The following NRCAM variants were observed in gnomAD, a reference collection of about 807,000 sequenced individuals.
NRCAM encodes neuronal cell adhesion molecule, also known as NgCAM-related cell adhesion molecule.
Under a neutral mutation model 156.5 loss-of-function variants are expected in NRCAM, and 83 were observed. The observed-to-expected ratio is 0.53, with a 90% CI of 0.44 to 0.64. NRCAM has a LOEUF of 0.64. Ranked by LOEUF, NRCAM falls within the 30% of genes least tolerant of loss-of-function variation. NRCAM has a pLI of 0.00. For missense variants in NRCAM, 1,417 were observed against 1,597.3 expected, an observed-to-expected ratio of 0.89 and a Z score of 1.92; for synonymous variants, 538 against 563.9, an observed-to-expected ratio of 0.95 and a Z score of 0.65.
chr7:108,172,361 C>T (rs1464973487), intron 28 of NRCAM, among the ~76,000 whole-genome samples: 1 of 152,080 alleles, frequency 6.6e-6, no homozygotes, highest in East Asian at 1.9e-4. Context: ...TCAGTGCAGC[C>T]TCCAGCTCAC....
At chr7:108,305,026 C>T (rs537203274) in intron 3 of NRCAM, among the ~76,000 whole-genome samples, 1 of 152,218 alleles carries the variant, frequency 6.6e-6, no homozygotes, top group Admixed American at 6.5e-5. Context: ...AAATGTCTAT[C>T]AATCTACCAT....
intron 13 of NRCAM, among the ~76,000 whole-genome samples, chr7:108,203,617 ACAGT>A (rs1404476237): frequency 1.3e-5 from 2 of 152,234 alleles, no homozygotes; most frequent in Non-Finnish European, 2.9e-5. Context: ...GCGAAAGGAG[ACAGT>A]CAGTGTCCTT....
At chr7:108,190,501 A>G (rs401573) in intron 19 of NRCAM, among the ~76,000 whole-genome samples, 127,865 of 152,152 alleles carry the variant, frequency 0.84, 53,990 homozygotes, top group East Asian at 0.99. Context: ...TCAGTCATAA[A>G]GCAGTAAATG....
chr7:108,363,158 A>C (rs2099570300), intron 2 of NRCAM, among the ~76,000 whole-genome samples: 1 of 152,248 alleles, frequency 6.6e-6, no homozygotes, highest in East Asian at 1.9e-4. Flanking sequence ...AATATCCATG[A>C]GTACAAACTG....
intron 1 of NRCAM, among the ~76,000 whole-genome samples, chr7:108,426,611 T>G (rs1744134519): frequency 6.6e-6 from 1 of 152,234 alleles, no homozygotes; most frequent in Non-Finnish European, 1.5e-5. Context: ...GAGAAGGCCC[T>G]GACTTCTTTT....
Position 108,176,541 on chromosome 7 carries a change from T to G in NRCAM, c.3040A>C (p.Thr1014Pro). 5 of 1,613,776 alleles carry G rather than the reference T, an allele frequency of 3.1e-6. No individual in the cohort carries two copies. Among genetic ancestry groups the G allele is most frequent in the Non-Finnish European group, 4.2e-6 (5 of 1,179,828 alleles). The change falls in exon 27 of 33, where the codon ACT (threonine) becomes CCT (proline). Residue 1014 changes from threonine to proline, a missense_variant. Thr to Pro is a conservative substitution (Grantham distance 38). Around this residue, in one of 2 missense-constraint regions of NRCAM, gnomAD observed 1,238 missense variants for 1,336.4 expected, o/e 0.93. Transcript: ENST00000379028. ...GTGCTGAAATTTAAATTTTTTAAAG[T>G]CCACCGTGTCTTGTTGGCAGGAATT... is the stretch of plus-strand genomic sequence containing the variant. ...LKIPANKTRW[T>P]LKNLNFSTRY...
rs575749028 is a variant in NRCAM, at chr7:108,392,185, A to G, written c.-174+7251T>C. ...GCAGAGTGTTTTCCAACTTGGTTCC[A>G]TTCTCCTCGTCACTTTCAGGTATAC... On this transcript the variant is annotated intron_variant, in intron 2 of 32. Transcript: ENST00000379028. 2.1e-3 allele frequency among the ~76,000 whole-genome samples: 321 copies of G among 152,212 alleles called. 4 individuals are homozygous for G. The highest frequency in any genetic ancestry group is 1.7e-3 in the East Asian group (9 of 5,176).
intron 2 of NRCAM, among the ~76,000 whole-genome samples, chr7:108,325,359 C>T (rs2099056492): frequency 6.6e-6 from 1 of 152,116 alleles, no homozygotes. Context: ...GGGATTATTA[C>T]TTTAAATGAA....
chr7:108,230,778 C>G (rs1427123675), intron 8 of NRCAM, among the ~76,000 whole-genome samples: 1 of 151,552 alleles, frequency 6.6e-6, no homozygotes, highest in Non-Finnish European at 1.5e-5. Context: ...TCTAAATGTA[C>G]TTATTGCATT....
At chr7:108,398,904 T>C (rs192855051) in intron 2 of NRCAM, among the ~76,000 whole-genome samples, 265 of 152,160 alleles carry the variant, frequency 1.7e-3, no homozygotes, top group African/African-American at 6.0e-3. Flanking sequence ...TGAAAATAAA[T>C]GAAACTATGG....
At chr7:108,294,306 T>C (rs1592069834) in intron 3 of NRCAM, among the ~76,000 whole-genome samples, 1 of 146,418 alleles carries the variant, frequency 6.8e-6, no homozygotes, top group African/African-American at 2.5e-5. Context: ...AACAAGCTCA[T>C]GGGCTCCTGC....
intron 4 of NRCAM, among the ~76,000 whole-genome samples, chr7:108,239,017 G>C (rs2095347443): frequency 6.6e-6 from 1 of 152,124 alleles, no homozygotes; most frequent in Non-Finnish European, 1.5e-5. Flanking sequence ...ACCTTGGAAA[G>C]CTTGCCAAAC....
intron 2 of NRCAM, among the ~76,000 whole-genome samples, chr7:108,384,955 A>C (rs1303661868): frequency 2.6e-5 from 4 of 152,194 alleles, no homozygotes; most frequent in Non-Finnish European, 2.9e-5. Context: ...GTGCTTTATG[A>C]AGTGTGAAGA....
At chr7:108,420,573 C>A (rs921816447) in intron 1 of NRCAM, among the ~76,000 whole-genome samples, 6 of 152,266 alleles carry the variant, frequency 3.9e-5, no homozygotes, top group African/African-American at 1.2e-4. Context: ...TTTCCCCATT[C>A]ACAAAACATT....
chr7:108,358,244 CAAAA>C (rs71314689), intron 2 of NRCAM, among the ~76,000 whole-genome samples: 2 of 71,782 alleles, frequency 2.8e-5, no homozygotes, highest in African/African-American at 1.2e-4. Context: ...CCCCTCTCTA[CAAAA>C]AAAAAAAAAA....
chr7:108,424,773 C>A (rs1305184933), intron 1 of NRCAM, among the ~76,000 whole-genome samples: 1 of 151,942 alleles, frequency 6.6e-6, no homozygotes, highest in Admixed American at 6.6e-5. Context: ...TATTAAATCC[C>A]AAATCTGCAT....
At chr7:108,270,961 A>G (rs1231990788) in intron 3 of NRCAM, among the ~76,000 whole-genome samples, 1 of 152,224 alleles carries the variant, frequency 6.6e-6, no homozygotes, top group Non-Finnish European at 1.5e-5. Flanking sequence ...TGATGCTGGC[A>G]CAAGGTGAAT....
At chr7:108,347,585 C>A (rs1437435711) in intron 2 of NRCAM, among the ~76,000 whole-genome samples, 2 of 152,024 alleles carry the variant, frequency 1.3e-5, no homozygotes, top group East Asian at 1.9e-4. Context: ...ATTTGATCCC[C>A]AAAAAAATCC....
At chr7:108,340,474 G>C (rs187217242) in intron 2 of NRCAM, among the ~76,000 whole-genome samples, 12 of 152,234 alleles carry the variant, frequency 7.9e-5, no homozygotes, top group African/African-American at 2.4e-4. Flanking sequence ...TGAGAGAAGT[G>C]CCACCATAAC....
Sources: allele counts gnomAD v4.1 joint callset (sites outside exome capture counted in the v4.1 genomes callset), GRCh38; gene constraint gnomAD v4.1.1; regional missense constraint gnomAD v4.1.1; transcripts MANE v1.5; gene names NCBI Gene and HGNC (gene_info 2026-07-23, HGNC 2026-07-21).